Variants in OSBPL10 observed in about 807,000 individuals in gnomAD.
The protein encoded by OSBPL10 is oxysterol binding protein like 10.
OSBPL10 carries 49 observed loss-of-function variants against 81.7 expected under a neutral mutation model. That is an observed-to-expected ratio of 0.60 (90% CI 0.48 to 0.76). The LOEUF is 0.76. OSBPL10 is among the 30% of genes least tolerant of loss of function. The pLI is 0.00. For missense variants in OSBPL10, 923 were observed against 987.8 expected (o/e 0.93, Z 0.88); for synonymous variants, 419 against 383.6 (o/e 1.09, Z -1.08).
At chr3:31,771,213 G>A (rs1698371865) in intron 4 of OSBPL10, among the ~76,000 whole-genome samples, 1 of 152,072 alleles carries the variant, frequency 6.6e-6, no homozygotes, top group Admixed American at 6.6e-5. Flanking sequence ...CACTCAGAGT[G>A]CTTAAAACAG....
intron 1 of OSBPL10, among the ~76,000 whole-genome samples, chr3:32,075,840 T>C (rs1386118718): frequency 5.9e-5 from 9 of 152,206 alleles, no homozygotes; most frequent in African/African-American, 2.2e-4. Flanking sequence ...TACATCCAGA[T>C]GGCCTGAAGC....
In OSBPL10 at chr3:31,842,050, T is replaced by C. The variant is rs528141603; in HGVS notation, c.538-11819A>G. Among the ~76,000 whole-genome samples the C allele has an allele frequency of 1.8e-4, 28 of 152,262 alleles. No individual in the cohort carries two copies. The South Asian group carries it at 4.8e-3, about 26-fold the overall frequency. On this transcript the variant is annotated intron_variant, in intron 3 of 11. Transcript: ENST00000396556. ...AATCAAAACAGGAAATTACAGGTAA[T>C]ACATAATAGATATGCTTTACATCAG...
Position 31,914,140 on chromosome 3 carries a change from C to T in OSBPL10, c.282-34310G>A, listed in dbSNP as rs774896898. On this transcript the variant is annotated intron_variant, in intron 1 of 11. Transcript: ENST00000396556. ...TTCTCCATGTTAGCCAGGCTGGTCT[C>T]GAACTCCTGACCTCAAGTGATCCAC... 1.8e-4 allele frequency among the ~76,000 whole-genome samples: 27 copies of T among 152,054 alleles called. 1 individual carries two copies. Among genetic ancestry groups the T allele is most frequent in the Non-Finnish European group, 2.4e-4 (16 of 68,004 alleles).
At chr3:31,743,443 TG>T (rs1697420386) in intron 5 of OSBPL10, among the ~76,000 whole-genome samples, 1 of 152,228 alleles carries the variant, frequency 6.6e-6, no homozygotes, top group Non-Finnish European at 1.5e-5. Flanking sequence ...GAAACAGGTC[TG>T]GGAGCCCAAA....
intron 2 of OSBPL10, among the ~76,000 whole-genome samples, chr3:31,876,877 G>A (rs958268135): frequency 6.7e-5 from 10 of 149,928 alleles, no homozygotes; most frequent in Middle Eastern, 3.6e-3. Flanking sequence ...CTAACCTTGT[G>A]TAGCTAATAT....
chr3:32,037,492 A>AT lies in OSBPL10; in HGVS notation n.298+8998dup, dbSNP rs200716149. On this transcript the variant is annotated intron_variant and non_coding_transcript_variant, in intron 2 of 3. Transcript: ENST00000479173. Reference sequence around the variant, plus strand: ...TAGCAAGACCCCCATTTCTAAAAAAATTTTTTTTTTCAATTTTTTTAACGA... The same window carrying AT: ...TAGCAAGACCCCCATTTCTAAAAAAATTTTTTTTTTTCAATTTTTTTAACGA... The AT allele has an allele frequency of 6.7e-3, 1,219 of 182,702 alleles. 14 individuals are homozygous for AT. The highest frequency in any genetic ancestry group is 0.041 in the South Asian group (370 of 9,054). The allele number at this position is 182,702 out of a possible 1,614,324, so 11.3% of individuals were successfully genotyped here. A position where few individuals can be genotyped will look rare whatever the true frequency, so the allele number is the denominator to read the frequency against.
intron 2 of OSBPL10, among the ~76,000 whole-genome samples, chr3:31,876,923 AGACGGAGTCTCGCTCTGTC>A (rs912974930): frequency 4.3e-5 from 3 of 69,672 alleles, no homozygotes; most frequent in African/African-American, 1.5e-4. Context: ...TTTTTTTTTG[AGACGGAGTCTCGCTCTGTC>A]GCCCAGGCTG....
At chr3:31,878,338 T>G (rs1166571893) in intron 2 of OSBPL10, among the ~76,000 whole-genome samples, 3 of 152,228 alleles carry the variant, frequency 2.0e-5, no homozygotes, top group Non-Finnish European at 4.4e-5. Context: ...GTTTCTGCAC[T>G]GACAATTTAT....
chr3:32,062,161 G>A (rs1258096718), intron 1 of OSBPL10, among the ~76,000 whole-genome samples: 1 of 92,792 alleles, frequency 1.1e-5, no homozygotes, highest in Non-Finnish European at 2.9e-5. Context: ...AGGCTGGAAT[G>A]CAGTGGCACA....
intron 1 of OSBPL10, among the ~76,000 whole-genome samples, chr3:31,888,645 G>A (rs2081577784): frequency 6.6e-6 from 1 of 152,148 alleles, no homozygotes; most frequent in African/African-American, 2.4e-5. Context: ...AATGGGCTGG[G>A]CACAGTGGCT....
At chr3:31,751,032 G>A (rs888572904) in intron 4 of OSBPL10, among the ~76,000 whole-genome samples, 4 of 152,018 alleles carry the variant, frequency 2.6e-5, no homozygotes, top group African/African-American at 4.8e-5. Context: ...CAGGCCAGGC[G>A]TGGTGGTTCA....
intron 1 of OSBPL10, among the ~76,000 whole-genome samples, chr3:31,949,732 A>G (rs533435474): frequency 2.0e-5 from 3 of 150,938 alleles, no homozygotes; most frequent in South Asian, 4.2e-4. Context: ...CAGAACAGAC[A>G]CAAGTCCAGA....
intron 2 of OSBPL10, chr3:31,991,643 T>A (rs1175767437): frequency 6.0e-6 from 1 of 166,076 alleles, no homozygotes; most frequent in African/African-American, 2.4e-5. Context: ...GTATTTTAGT[T>A]GACTCTGTGA....
intron 8 of OSBPL10, among the ~76,000 whole-genome samples, chr3:31,677,820 G>A (rs569548422): frequency 4.0e-5 from 6 of 150,014 alleles, no homozygotes; most frequent in South Asian, 2.1e-4. Flanking sequence ...GGTGGCTCAC[G>A]CCTGTAATCC....
chr3:31,837,842 A>G (rs1364930822), intron 3 of OSBPL10, among the ~76,000 whole-genome samples: 2 of 146,808 alleles, frequency 1.4e-5, no homozygotes, highest in South Asian at 2.1e-4. Context: ...TTTATAGAGG[A>G]AAAAAAAAAA....
At chr3:31,662,807 C>G in intron 11 of OSBPL10, 1 of 985,400 alleles carries the variant, frequency 1.0e-6, no homozygotes, top group Middle Eastern at 5.2e-4. Flanking sequence ...TCCACAGAAG[C>G]CAGACAAACT....
intron 1 of OSBPL10, among the ~76,000 whole-genome samples, chr3:32,056,329 T>G (rs115368481): frequency 0.011 from 1,627 of 152,344 alleles, 40 homozygotes; most frequent in African/African-American, 0.036. Context: ...ATGTTATAAT[T>G]CTGGGTACAT....
intron 1 of OSBPL10, among the ~76,000 whole-genome samples, chr3:31,934,907 T>G (rs564446764): frequency 6.6e-6 from 1 of 152,292 alleles, no homozygotes; most frequent in African/African-American, 2.4e-5. Context: ...GGGCTCTATT[T>G]TTCTACTAAA....
intron 1 of OSBPL10, among the ~76,000 whole-genome samples, chr3:32,051,829 G>A (rs1300110578): frequency 7.2e-5 from 11 of 152,128 alleles, no homozygotes; most frequent in Non-Finnish European, 1.5e-4. Context: ...GTATGAAAGA[G>A]ATCTAATTAA....
Sources: allele counts gnomAD v4.1 joint callset (sites outside exome capture counted in the v4.1 genomes callset), GRCh38; gene constraint gnomAD v4.1.1; transcripts MANE v1.5; gene names NCBI Gene and HGNC (gene_info 2026-07-23, HGNC 2026-07-21).